The following SVBP variants were observed in gnomAD, a reference collection of about 807,000 sequenced individuals.
SVBP encodes small vasohibin binding protein.
A neutral mutation model predicts 9.2 loss-of-function variants in SVBP; 9 were observed. The observed-to-expected ratio is 0.98, with a 90% CI of 0.59 to 1.71. The LOEUF is 1.71. SVBP is among the 40% of genes most tolerant of loss of function. SVBP has a pLI of 0.00. For synonymous variants in SVBP, 27 were observed against 23.9 expected (o/e 1.13, Z -0.37); for missense variants, 63 against 73.2 (o/e 0.86, Z 0.51).
In SVBP at chr1:42,817,184, C is replaced by T. The variant is rs1570521464; in HGVS notation, c.-37+6G>A. The T allele has an allele frequency of 8.0e-7, 1 of 1,248,138 alleles. No individual in the cohort carries two copies. The highest frequency in any genetic ancestry group is 1.3e-5 in the South Asian group (1 of 76,562). The allele number at this position is 1,248,138 out of a possible 1,614,324, so 77.3% of individuals were successfully genotyped here. On this transcript the variant is annotated splice_donor_region_variant and intron_variant, in intron 1 of 2. Transcript: ENST00000372521. Reference sequence around the variant, plus strand: ...GCCGCCGACCAAGAGGCTTGGGAGTCTGTACCTTTCCCGACCGGGCCACTG... The same window carrying T: ...GCCGCCGACCAAGAGGCTTGGGAGTTTGTACCTTTCCCGACCGGGCCACTG...
Position 42,817,327 on chromosome 1 carries a change from G to T in SVBP, c.-174C>A, listed in dbSNP as rs1654265214. 3 of 1,078,786 alleles carry T rather than the reference G, an allele frequency of 2.8e-6. No homozygotes were observed. The highest frequency in any genetic ancestry group is 1.0e-4 in the East Asian group (1 of 9,810). 66.8% of individuals were successfully genotyped at this position (1,078,786 alleles called of 1,614,324 possible). ...CGCCCCTCGTCCTGGGCGGGGCCGCGCGCCGGGGGGAGGGGCGCAGGGCCG... is the reference window on the plus strand; with the variant it reads ...CGCCCCTCGTCCTGGGCGGGGCCGCTCGCCGGGGGGAGGGGCGCAGGGCCG... On this transcript the variant is annotated 5_prime_UTR_variant, in exon 1 of 3. Coordinates refer to ENST00000372521, the MANE Select transcript of SVBP (RefSeq NM_199342.4).
At chr1:42,816,344 G>T in intron 2 of SVBP, 87 bp downstream of exon 2, 1 of 957,850 alleles carries the variant, frequency 1.0e-6, no homozygotes, top group Non-Finnish European at 1.6e-6. Context: ...AGTATGGCTC[G>T]CTGTCAGTTC....
rs11210722 is a variant in SVBP at position 42,811,180 on chromosome 1, A to C, written c.115-3680T>G. 8.3e-3 allele frequency among the ~76,000 whole-genome samples: 1,255 copies of C among 150,932 alleles called. 18 individuals are homozygous for C. The highest frequency in any genetic ancestry group is 0.03 in the African/African-American group (1,207 of 40,290). On this transcript the variant is annotated intron_variant, in intron 2 of 2. Transcript: ENST00000372521. ...ACCAACCAACCAAACAGAAAAAAAAACAGCAAGGCAGCTGTAGGGGGCAAG... is the reference window on the plus strand; with the variant it reads ...ACCAACCAACCAAACAGAAAAAAAACCAGCAAGGCAGCTGTAGGGGGCAAG...
intron 2 of SVBP, chr1:42,813,847 G>T: frequency 2.9e-6 from 1 of 342,842 alleles, no homozygotes; most frequent in Non-Finnish European, 5.9e-6. Flanking sequence ...TATCATCTGA[G>T]GACCCGGATC....
rs1450582047 is a variant in SVBP at position 42,816,518 on chromosome 1, T to G, written c.27A>C (p.Lys9Asn). Residue 9 changes from lysine to asparagine, a missense_variant, in exon 2 of 3, where the codon AAA becomes AAC. Coordinates refer to ENST00000372521, the MANE Select transcript of SVBP (RefSeq NM_199342.4). ...TGCTGACAGATTCTTTAACTTTGGT[T>G]TTTTCTTTACGTGCAGGTGGATCCA... MDPPARKE[K>N]TKVKESVSRV... The G allele has an allele frequency of 1.2e-6, 2 of 1,614,018 alleles. No individual in the cohort carries two copies. Among genetic ancestry groups the G allele is most frequent in the Admixed American group, 1.7e-5 (1 of 59,998 alleles).
chr1:42,815,592 A>G (rs1015027511), intron 2 of SVBP, among the ~76,000 whole-genome samples: 1 of 152,150 alleles, frequency 6.6e-6, no homozygotes. Context: ...GTAAGAATGA[A>G]TAAATATACT....
rs897499940 is a variant in SVBP, at chr1:42,817,334, G to T, written c.-181C>A. ...CGTCCTGGGCGGGGCCGCGCGCCGG[G>T]GGGAGGGGCGCAGGGCCGAGCGCCA... On this transcript the variant is annotated 5_prime_UTR_variant, in exon 1 of 3. Transcript: ENST00000372521. 1.8e-5 allele frequency: 18 copies of T among 1,023,784 alleles called. No homozygotes were observed. The highest frequency in any genetic ancestry group is 2.1e-5 in the Non-Finnish European group (17 of 793,968). 63.4% of individuals were successfully genotyped at this position (1,023,784 alleles called of 1,614,324 possible).
At position 42,814,190 on chromosome 1, in the gene SVBP, T is replaced by G. The variant is rs922232727; in HGVS notation, c.114+2241A>C. On this transcript the variant is annotated intron_variant, in intron 2 of 2. Transcript: ENST00000372521. ...TCCGTCTCCTGGGTTCAAGCAATTC[T>G]CCTGCCTCAGCCTCCCGAGTAGCTG... 4.8e-5 allele frequency among the ~76,000 whole-genome samples: 7 copies of G among 146,660 alleles called. 1 individual carries two copies. Among genetic ancestry groups the G allele is most frequent in the Admixed American group, 1.4e-4 (2 of 14,772 alleles).
intron 2 of SVBP, 77 bp from the exon 3 acceptor site, chr1:42,807,577 C>T (rs1653988294): frequency 2.7e-6 from 3 of 1,130,148 alleles, no homozygotes; most frequent in South Asian, 2.5e-5. Context: ...ACAGGTGGTG[C>T]CTTCTGAAAA....
chr1:42,807,431 G>GC lies in SVBP; in HGVS notation c.183dup (p.Gln62AlafsTer28). 1 of 1,613,436 alleles carries GC rather than the reference G, an allele frequency of 6.2e-7. No individual in the cohort carries two copies. Among genetic ancestry groups the GC allele is most frequent in the South Asian group, 1.1e-5 (1 of 91,022 alleles). On this transcript the variant is annotated frameshift_variant, in exon 3 of 3. Transcript: ENST00000372521. LOFTEE classifies it high-confidence loss of function. ...CTGGGGCCTCATTCTCCAGGAGGCTGCATCTGTTTACAGAACTCATCAAAC... is the reference window on the plus strand; with the variant it reads ...CTGGGGCCTCATTCTCCAGGAGGCTGCCATCTGTTTACAGAACTCATCAAAC...
At chr1:42,810,599 G>A (rs967603214) in intron 2 of SVBP, among the ~76,000 whole-genome samples, 17 of 152,250 alleles carry the variant, frequency 1.1e-4, no homozygotes, top group Middle Eastern at 3.4e-3. Context: ...AAGATGGTAG[G>A]AGAAAGAGGA....
intron 1 of SVBP, 23 bp from the exon 2 acceptor site, chr1:42,816,603 G>T (rs1286561329): frequency 8.2e-7 from 1 of 1,217,444 alleles, no homozygotes; most frequent in East Asian, 2.3e-5. Context: ...GAAAGAGGCA[G>T]ATCTTCAAAA....
chr1:42,813,309 A>C, intron 2 of SVBP: 1 of 303,606 alleles, frequency 3.3e-6, no homozygotes, highest in Non-Finnish European at 6.7e-6. Flanking sequence ...GAATTCCATT[A>C]ATTATAGAAA....
intron 2 of SVBP, among the ~76,000 whole-genome samples, chr1:42,813,215 C>T (rs1402229243): frequency 2.0e-5 from 3 of 152,140 alleles, no homozygotes; most frequent in African/African-American, 7.2e-5. Flanking sequence ...TTGTCTTTAG[C>T]TAGTTTAAAT....
At chr1:42,810,463 T>C (rs1654061776) in intron 2 of SVBP, among the ~76,000 whole-genome samples, 1 of 152,106 alleles carries the variant, frequency 6.6e-6, no homozygotes, top group Admixed American at 6.6e-5. Flanking sequence ...TATACATATA[T>C]ATTTGAAAAC....
Position 42,807,310 on chromosome 1 carries a change from T to C in SVBP, c.*104A>G. On this transcript the variant is annotated 3_prime_UTR_variant, in exon 3 of 3. Transcript: ENST00000372521. ...GTGAGTTCAGATTTATCCACAAATGTCTTCTGGTCTAGTTCTGTAAGGCTC... is the reference window on the plus strand; with the variant it reads ...GTGAGTTCAGATTTATCCACAAATGCCTTCTGGTCTAGTTCTGTAAGGCTC... The C allele has an allele frequency of 1.4e-6, 1 of 730,188 alleles. No individual in the cohort carries two copies. The highest frequency in any genetic ancestry group is 2.4e-6 in the Non-Finnish European group (1 of 417,604). 45.2% of individuals were successfully genotyped at this position (730,188 alleles called of 1,614,324 possible).
At position 42,807,056 on chromosome 1, in the gene SVBP, T is replaced by G; in HGVS notation, c.*358A>C. On this transcript the variant is annotated 3_prime_UTR_variant, in exon 3 of 3. Coordinates refer to ENST00000372521, the MANE Select transcript of SVBP (RefSeq NM_199342.4). ...TTGCTAAAGTATGAGCAAATGAACA[T>G]TTTATTAGTATTTTATTTGTATTTT... is the stretch of plus-strand genomic sequence containing the variant. 6.1e-6 allele frequency: 1 copy of G among 163,390 alleles called. No individual in the cohort carries two copies. The highest frequency in any genetic ancestry group is 1.3e-5 in the Non-Finnish European group (1 of 75,662). The allele number at this position is 163,390 out of a possible 1,614,324, so 10.1% of individuals were successfully genotyped here. A position where few individuals can be genotyped will look rare whatever the true frequency, so the allele number is the denominator to read the frequency against.
intron 2 of SVBP, among the ~76,000 whole-genome samples, chr1:42,809,807 A>G (rs1240812479): frequency 6.6e-6 from 1 of 152,240 alleles, no homozygotes; most frequent in African/African-American, 2.4e-5. Flanking sequence ...AATGGTTAAA[A>G]AAAGGCTGAG....
At position 42,816,583 on chromosome 1, in the gene SVBP, G is replaced by A. The variant is rs78373429; in HGVS notation, c.-36-3C>T. On this transcript the variant is annotated splice_polypyrimidine_tract_variant and splice_region_variant and intron_variant, in intron 1 of 2. Transcript: ENST00000372521. ...GATATTTCTTAGGAGGCTCTGATCT[G>A]GGTGGTACAGAAAGAGGCAGATCTT... 4,389 of 1,397,780 alleles carry A rather than the reference G, an allele frequency of 3.1e-3. 120 individuals are homozygous for A. In the African/African-American group the frequency reaches 0.054, roughly 17 times the overall value. The allele number at this position is 1,397,780 out of a possible 1,614,324, so 86.6% of individuals were successfully genotyped here.
Sources: allele counts gnomAD v4.1 joint callset (sites outside exome capture counted in the v4.1 genomes callset), GRCh38; gene constraint gnomAD v4.1.1; transcripts MANE v1.5; gene names NCBI Gene and HGNC (gene_info 2026-07-23, HGNC 2026-07-21).